Variants in TSC22D1 observed in about 807,000 individuals in gnomAD.
TSC22D1 encodes the protein TSC22 domain family member 1.
TSC22D1 carries 9 observed loss-of-function variants against 74.2 expected under a neutral mutation model. That is an observed-to-expected ratio of 0.12 (90% confidence interval 0.07 to 0.21). The LOEUF (loss-of-function observed/expected upper bound fraction) is 0.21. Among genes scored for constraint, TSC22D1 ranks in the 10% least tolerant of loss-of-function variants. TSC22D1 has a pLI of 1.00. For synonymous variants in TSC22D1, 586 were observed against 492.5 expected, an observed-to-expected ratio of 1.19 and a Z score of -2.51; for missense variants, 1,427 against 1,304.7, an observed-to-expected ratio of 1.09 and a Z score of -1.44.
chr13:44,493,886 C>T (rs1471978777), intron 1 of TSC22D1, among the ~76,000 whole-genome samples: 1 of 152,162 alleles, frequency 6.6e-6, no homozygotes, highest in Non-Finnish European at 1.5e-5. Flanking sequence ...AGCTAACAAA[C>T]AGACACTTCA....
At chr13:44,449,867 C>T (rs1054450153) in intron 1 of TSC22D1, among the ~76,000 whole-genome samples, 1 of 152,182 alleles carries the variant, frequency 6.6e-6, no homozygotes, top group African/African-American at 2.4e-5. Flanking sequence ...ATTAGCTCTT[C>T]AGCCATTTGA....
intron 1 of TSC22D1, among the ~76,000 whole-genome samples, chr13:44,491,650 T>G (rs541227409): frequency 6.6e-6 from 1 of 151,778 alleles, no homozygotes; most frequent in South Asian, 2.1e-4. Flanking sequence ...AATAGAAAAT[T>G]GAGAAAATGA....
chr13:44,473,031 G>A (rs937327332), intron 1 of TSC22D1, among the ~76,000 whole-genome samples: 1 of 152,188 alleles, frequency 6.6e-6, no homozygotes, highest in Admixed American at 6.5e-5. Context: ...ATGGCAGTAG[G>A]CAAAGAGAGA....
chr13:44,446,800 G>A (rs1361250445), intron 1 of TSC22D1, among the ~76,000 whole-genome samples: 2 of 118,220 alleles, frequency 1.7e-5, no homozygotes, highest in Non-Finnish European at 3.7e-5. Flanking sequence ...GGAGGAGGAG[G>A]AAAAGGAGGA....
At chr13:44,467,274 C>T (rs1877343893) in intron 1 of TSC22D1, among the ~76,000 whole-genome samples, 2 of 152,090 alleles carry the variant, frequency 1.3e-5, no homozygotes, top group African/African-American at 4.8e-5. Flanking sequence ...GACATGGATA[C>T]CTGACGTGAA....
At chr13:44,483,876 C>T (rs1220854065) in intron 1 of TSC22D1, among the ~76,000 whole-genome samples, 1 of 152,140 alleles carries the variant, frequency 6.6e-6, no homozygotes, top group Admixed American at 6.5e-5. Flanking sequence ...TCTGACCTAA[C>T]AGTAGATGGC....
intron 1 of TSC22D1, among the ~76,000 whole-genome samples, chr13:44,567,731 C>A (rs995298775): frequency 6.6e-6 from 1 of 151,758 alleles, no homozygotes; most frequent in African/African-American, 2.4e-5. Flanking sequence ...CAAGAAGGTC[C>A]GTTATCCAAA....
At chr13:44,511,617 A>C (rs1317737760) in intron 1 of TSC22D1, among the ~76,000 whole-genome samples, 6 of 95,144 alleles carry the variant, frequency 6.3e-5, no homozygotes, top group East Asian at 3.7e-4. Context: ...AATAAAAAGA[A>C]ATACACACAC....
intron 1 of TSC22D1, among the ~76,000 whole-genome samples, chr13:44,487,206 A>G (rs1878467199): frequency 6.6e-6 from 1 of 152,154 alleles, no homozygotes; most frequent in African/African-American, 2.4e-5. Flanking sequence ...TAGTTAAAAA[A>G]AGAAATTACT....
chr13:44,449,724 A>G (rs961554901), intron 1 of TSC22D1, among the ~76,000 whole-genome samples: 2 of 152,220 alleles, frequency 1.3e-5, no homozygotes, highest in Non-Finnish European at 2.9e-5. Flanking sequence ...TGAAGTGGGA[A>G]ATAAAAATTT....
intron 1 of TSC22D1, among the ~76,000 whole-genome samples, chr13:44,467,178 C>CA (rs199947852): frequency 6.8e-4 from 102 of 149,884 alleles, no homozygotes; most frequent in Middle Eastern, 3.4e-3. Flanking sequence ...AACAAAAAAA[C>CA]AAAAAAAAAT....
At chr13:44,454,602 C>T (rs1228164895) in intron 1 of TSC22D1, among the ~76,000 whole-genome samples, 2 of 152,246 alleles carry the variant, frequency 1.3e-5, no homozygotes, top group Non-Finnish European at 1.5e-5. Flanking sequence ...CTTCCTTCCT[C>T]CACTAAAACA....
At chr13:44,445,760 G>A (rs956847502) in intron 1 of TSC22D1, among the ~76,000 whole-genome samples, 48 of 152,172 alleles carry the variant, frequency 3.2e-4, no homozygotes, top group African/African-American at 7.0e-4. Flanking sequence ...GTAAATAAGC[G>A]CCTGGAAAAA....
chr13:44,559,686 A>C (rs1040067862), intron 1 of TSC22D1, among the ~76,000 whole-genome samples: 1 of 142,500 alleles, frequency 7.0e-6, no homozygotes, highest in African/African-American at 2.5e-5. Context: ...GCCCAGCCCA[A>C]AAATTTCTTT....
chr13:44,573,491 C>T lies in TSC22D1; in HGVS notation c.2584G>A (p.Ala862Thr). 1 of 1,614,178 alleles carries T rather than the reference C, an allele frequency of 6.2e-7. No homozygotes were observed. Among genetic ancestry groups the T allele is most frequent in the Non-Finnish European group, 8.5e-7 (1 of 1,180,040 alleles). ...TGAACCAAATTACCATTTTGGGTAGCAGGGGTTTGTGCTATATTTTGTGGT... is the reference window on the plus strand; with the variant it reads ...TGAACCAAATTACCATTTTGGGTAGTAGGGGTTTGTGCTATATTTTGTGGT... ...VPPQNIAQTP[A>T]TQNGNLVQSV... is the part of the protein sequence containing the mutation. Residue 862 changes from alanine (A) to threonine (T), a missense_variant, in exon 1 of 3, where the codon GCT becomes ACT. Around this residue, in one of 3 missense-constraint regions of TSC22D1, gnomAD observed 1,343 missense variants for 1,191.5 expected, o/e 1.13. Coordinates refer to ENST00000458659, the MANE Select transcript of TSC22D1 (RefSeq NM_183422.4).
chr13:44,434,538 G>T lies in TSC22D1; in HGVS notation c.*88C>A. ...CTCTTTCGCAGCGAGCAATGAAATG[G>T]GTGACTGTGGAGGCAGATTCTCCCT... On this transcript the variant is annotated 3_prime_UTR_variant, in exon 3 of 3. Transcript: ENST00000458659. The T allele has an allele frequency of 6.8e-7, 1 of 1,472,878 alleles. No homozygotes were observed. The allele number at this position is 1,472,878 out of a possible 1,614,324, so 91.2% of individuals were successfully genotyped here. A position where few individuals can be genotyped will look rare whatever the true frequency, so the allele number is the denominator to read the frequency against.
In TSC22D1 at chr13:44,543,196, G is replaced by A. The variant is rs564789890; in HGVS notation, c.2912+29967C>T. 5.3e-4 allele frequency among the ~76,000 whole-genome samples: 80 copies of A among 152,116 alleles called. 1 individual carries two copies. In the South Asian group the frequency reaches 0.015, roughly 28 times the overall value. ...TACCACTGAGAAAATTTTATGAGAA[G>A]TACATCAAATTAGGCTGTTTGCAAT... On this transcript the variant is annotated intron_variant, in intron 1 of 2. Coordinates refer to ENST00000458659, the MANE Select transcript of TSC22D1 (RefSeq NM_183422.4).
chr13:44,547,238 A>G (rs893184178), intron 1 of TSC22D1, among the ~76,000 whole-genome samples: 1 of 152,170 alleles, frequency 6.6e-6, no homozygotes, highest in Non-Finnish European at 1.5e-5. Flanking sequence ...ATTTAGTCCA[A>G]TCTTTCTTTA....
At chr13:44,519,045 T>C (rs1880182209) in intron 1 of TSC22D1, among the ~76,000 whole-genome samples, 1 of 152,238 alleles carries the variant, frequency 6.6e-6, no homozygotes, top group African/African-American at 2.4e-5. Flanking sequence ...TGTTAGAATC[T>C]AGAACCGGTC....
Sources: allele counts gnomAD v4.1 joint callset (sites outside exome capture counted in the v4.1 genomes callset), GRCh38; gene constraint gnomAD v4.1.1; regional missense constraint gnomAD v4.1.1; transcripts MANE v1.5; gene names NCBI Gene and HGNC (gene_info 2026-07-23, HGNC 2026-07-21).